The following WDR72 variants were observed in gnomAD, a reference collection of about 807,000 sequenced individuals.
The protein encoded by WDR72 is WD repeat-containing protein 72.
A neutral mutation model predicts 124.2 loss-of-function variants in WDR72; 120 were observed. The observed-to-expected ratio is 0.97, with a 90% CI of 0.83 to 1.12. WDR72 has a LOEUF of 1.12. WDR72 is among the 50% of genes most tolerant of loss of function. The probability of loss-of-function intolerance (pLI) is 0.00; values close to 1 mark genes in which losing one functional copy is unlikely to be tolerated. For missense variants in WDR72, 1,387 were observed against 1,278.8 expected (o/e 1.08, Z -1.29); for synonymous variants, 452 against 441.7 (o/e 1.02, Z -0.29).
chr15:53,574,043 T>C (rs1210457138), intron 18 of WDR72, among the ~76,000 whole-genome samples: 6 of 152,236 alleles, frequency 3.9e-5, no homozygotes, highest in Non-Finnish European at 8.8e-5. Context: ...CGATCTCTTA[T>C]AAAAGATTTG....
At chr15:53,730,468 T>C (rs690485) in intron 2 of WDR72, among the ~76,000 whole-genome samples, 94,685 of 152,050 alleles carry the variant, frequency 0.62, 29,709 homozygotes, top group African/African-American at 0.68. Flanking sequence ...AAATAAGTGT[T>C]CCTGGTTTGT....
chr15:53,754,154 T>G (rs1269824198), intron 1 of WDR72, among the ~76,000 whole-genome samples: 1 of 152,132 alleles, frequency 6.6e-6, no homozygotes, highest in African/African-American at 2.4e-5. Flanking sequence ...CTAAAGACTG[T>G]TTAGTCTAAG....
At chr15:53,551,755 A>G (rs1460951603) in intron 18 of WDR72, among the ~76,000 whole-genome samples, 1 of 152,146 alleles carries the variant, frequency 6.6e-6, no homozygotes, top group East Asian at 1.9e-4. Flanking sequence ...ACTCCCTTGA[A>G]GAAGATTCTG....
At chr15:53,715,058 C>A in intron 5 of WDR72, 135 bp downstream of exon 5, 1 of 976,430 alleles carries the variant, frequency 1.0e-6, no homozygotes, top group Non-Finnish European at 1.5e-6. Flanking sequence ...AGGTGTATTA[C>A]AGACATATCC....
Position 53,716,088 on chromosome 15 carries a change from C to T in WDR72, c.339+519G>A, listed in dbSNP as rs141312416. ...TAAGAGTGTAAAATATTTTAAAACA[C>T]GGTCAGCACCATTGGAATCATGCAA... On this transcript the variant is annotated intron_variant, in intron 4 of 19. Coordinates refer to ENST00000360509, the MANE Select transcript of WDR72 (RefSeq NM_182758.4). Among the ~76,000 whole-genome samples, 23 of 152,238 alleles carry T rather than the reference C, an allele frequency of 1.5e-4. No homozygotes were observed. In the East Asian group the frequency reaches 4.3e-3, roughly 28 times the overall value.
chr15:53,611,507 A>T (rs2013537733), intron 16 of WDR72, among the ~76,000 whole-genome samples: 1 of 152,124 alleles, frequency 6.6e-6, no homozygotes, highest in South Asian at 2.1e-4. Context: ...AAACAACAAC[A>T]ACAACAACAA....
At chr15:53,603,768 C>T (rs1391572844) in intron 17 of WDR72, among the ~76,000 whole-genome samples, 1 of 152,062 alleles carries the variant, frequency 6.6e-6, no homozygotes, top group Non-Finnish European at 1.5e-5. Flanking sequence ...AGGAATACAG[C>T]CAACTAGAAA....
intron 14 of WDR72, among the ~76,000 whole-genome samples, chr15:53,662,601 T>A (rs1470286365): frequency 6.6e-6 from 1 of 152,188 alleles, no homozygotes; most frequent in Non-Finnish European, 1.5e-5. Flanking sequence ...TGTCCCTCAT[T>A]TTTTCCACAC....
intron 13 of WDR72, among the ~76,000 whole-genome samples, chr15:53,666,300 A>T (rs888444613): frequency 2.4e-4 from 36 of 152,120 alleles, no homozygotes; most frequent in African/African-American, 8.5e-4. Context: ...TATTGTTGTG[A>T]TTATATCCTT....
intron 14 of WDR72, among the ~76,000 whole-genome samples, chr15:53,644,160 T>G (rs2014958329): frequency 6.6e-6 from 1 of 152,110 alleles, no homozygotes; most frequent in Non-Finnish European, 1.5e-5. Flanking sequence ...TATCCATATT[T>G]TAGATAAGCA....
Position 53,609,424 on chromosome 15 carries a change from G to A in WDR72, c.2952+89C>T, listed in dbSNP as rs1207973935. 5.3e-6 allele frequency: 6 copies of A among 1,130,334 alleles called. No individual in the cohort carries two copies. In the Admixed American group the frequency reaches 1.0e-4, roughly 20 times the overall value. 70.0% of individuals were successfully genotyped at this position (1,130,334 alleles called of 1,614,324 possible). A position where few individuals can be genotyped will look rare whatever the true frequency, so the allele number is the denominator to read the frequency against. ...CCATTTTATGAGGACAAGAGTAACTGCTTGTATTTTCAGATAGAGGGGGGT... is the reference window on the plus strand; with the variant it reads ...CCATTTTATGAGGACAAGAGTAACTACTTGTATTTTCAGATAGAGGGGGGT... On this transcript the variant is annotated intron_variant, in intron 17 of 19. Coordinates refer to ENST00000360509, the MANE Select transcript of WDR72 (RefSeq NM_182758.4).
upstream of WDR72, among the ~76,000 whole-genome samples, chr15:53,762,387 C>T (rs927092148): frequency 2.0e-5 from 3 of 152,204 alleles, no homozygotes; most frequent in African/African-American, 7.2e-5. Flanking sequence ...TGTCATTACA[C>T]TTGTCACAAC....
intron 17 of WDR72, 22 bp downstream of exon 17, chr15:53,609,491 A>C (rs1157697501): frequency 1.9e-6 from 3 of 1,604,148 alleles, no homozygotes; most frequent in Non-Finnish European, 2.6e-6. Flanking sequence ...TAATAACGTC[A>C]TGAATGTGAA....
intron 6 of WDR72, 140 bp from the exon 7 acceptor site, chr15:53,713,031 G>A: frequency 1.1e-6 from 1 of 923,048 alleles, no homozygotes; most frequent in Middle Eastern, 2.3e-4. Context: ...TGAGTGTTTT[G>A]AACTAAGAAG....
intron 14 of WDR72, among the ~76,000 whole-genome samples, chr15:53,656,377 T>G (rs2140436005): frequency 6.6e-6 from 1 of 152,338 alleles, no homozygotes; most frequent in Middle Eastern, 3.4e-3. Context: ...ATTTTTTTAA[T>G]AAGTTCATGC....
At chr15:53,700,001 T>C (rs998168069) in intron 12 of WDR72, 56 bp from the exon 13 acceptor site, 3 of 1,605,138 alleles carry the variant, frequency 1.9e-6, no homozygotes, top group Non-Finnish European at 2.6e-6. Flanking sequence ...TCTTTATGAG[T>C]AAGTCAGATT....
At chr15:53,706,398 C>CATATA (rs2017378440) in intron 9 of WDR72, among the ~76,000 whole-genome samples, 2 of 115,162 alleles carry the variant, frequency 1.7e-5, no homozygotes, top group Non-Finnish European at 3.5e-5. Context: ...ATATATATGG[C>CATATA]TATGTGTACA....
chr15:53,674,637 T>A (rs538561111), intron 13 of WDR72, among the ~76,000 whole-genome samples: 63 of 152,342 alleles, frequency 4.1e-4, no homozygotes, highest in Admixed American at 2.6e-4. Context: ...ATGTAGTTGA[T>A]ATAATAAATT....
intron 17 of WDR72, among the ~76,000 whole-genome samples, chr15:53,606,289 T>TG (rs2013278903): frequency 6.6e-6 from 1 of 152,174 alleles, no homozygotes; most frequent in Non-Finnish European, 1.5e-5. Flanking sequence ...TTTTGGCCAC[T>TG]GGGGAAAAAA....
Sources: allele counts gnomAD v4.1 joint callset (sites outside exome capture counted in the v4.1 genomes callset), GRCh38; gene constraint gnomAD v4.1.1; transcripts MANE v1.5; gene names NCBI Gene and HGNC (gene_info 2026-07-23, HGNC 2026-07-21).